PKD1: variants seen among roughly 807,000 people sequenced by gnomAD.
PKD1 encodes polycystin-1.
Under a neutral mutation model 361.7 loss-of-function variants are expected in PKD1, and 81 were observed. The ratio of observed to expected loss-of-function variants is 0.22; its 90% CI spans 0.19 to 0.27. PKD1 has a LOEUF of 0.27. PKD1 is among the 10% of genes least tolerant of loss of function. The pLI is 1.00. For missense variants in PKD1, 6,399 were observed against 6,118.3 expected, an observed-to-expected ratio of 1.05 and a Z score of -1.53; for synonymous variants, 3,615 against 2,818.3, an observed-to-expected ratio of 1.28 and a Z score of -8.95.
At chr16:2,120,713 A>G (rs2092707189) in intron 1 of PKD1, among the ~76,000 whole-genome samples, 1 of 152,108 alleles carries the variant, frequency 6.6e-6, no homozygotes, top group African/African-American at 2.4e-5. Flanking sequence ...AAAGAAAACA[A>G]AGAGAAAGCA....
chr16:2,116,290 G>C (rs867726901), intron 8 of PKD1, 172 bp from the exon 9 acceptor site: 1 of 746,632 alleles, frequency 1.3e-6, no homozygotes, highest in African/African-American at 1.7e-5. Flanking sequence ...ACTGTCCATG[G>C]GGGGCAGGAC....
In PKD1 at chr16:2,109,679, C is replaced by T. The variant is rs1428652493; in HGVS notation, c.5488G>A (p.Ala1830Thr). Residue 1830 changes from alanine (A) to threonine (T), a missense_variant, in exon 15 of 46, where the codon GCC becomes ACC. Transcript: ENST00000262304. ...GSSVPFWGQL[A>T]TGTNVSWCWA... is the part of the protein sequence containing the mutation. ...CACCAGCTCACATTGGTGCCCGTGG[C>T]CAGCTGCCCCCAAAAGGGCACAGAG... is the stretch of plus-strand genomic sequence containing the variant. 8 of 1,587,332 alleles carry T rather than the reference C, an allele frequency of 5.0e-6. No homozygotes were observed. The highest frequency in any genetic ancestry group is 6.0e-6 in the Non-Finnish European group (7 of 1,168,258).
At chr16:2,124,825 G>A (rs1249231870) in intron 1 of PKD1, among the ~76,000 whole-genome samples, 8 of 152,214 alleles carry the variant, frequency 5.3e-5, no homozygotes, top group East Asian at 3.8e-4. Flanking sequence ...GGCCGCCTGC[G>A]GAGCTTATGT....
chr16:2,097,539 T>G (rs533605114), intron 32 of PKD1, 36 bp from the exon 33 acceptor site: 1 of 1,602,918 alleles, frequency 6.2e-7, no homozygotes, highest in Admixed American at 1.7e-5. Flanking sequence ...TACCAGGGGA[T>G]GTGTCACACA....
chr16:2,105,221 G>C (rs1350962427), intron 21 of PKD1, 101 bp downstream of exon 21: 8 of 1,149,670 alleles, frequency 7.0e-6, no homozygotes, highest in Non-Finnish European at 1.0e-5. Flanking sequence ...GCCCAGGCTG[G>C]AGGCTCAGCT....
chr16:2,108,494 C>T lies in PKD1; in HGVS notation c.6673G>A (p.Val2225Met). ...RLVLPRLALP[V>M]GHYCFVFVVS... ...ACAAACACAAAGCAGTAGTGCCCCA[C>T]AGGCAGCGCCAGCCGCGGCAGCACC... The change falls in exon 15 of 46, where the codon GTG becomes ATG. Residue 2225 changes from valine to methionine, a missense_variant. Physicochemically the swap from Val to Met is conservative, Grantham distance 21. Coordinates refer to ENST00000262304, the MANE Select transcript of PKD1 (RefSeq NM_001009944.3). 6.2e-7 allele frequency: 1 copy of T among 1,609,620 alleles called. No homozygotes were observed. The highest frequency in any genetic ancestry group is 8.5e-7 in the Non-Finnish European group (1 of 1,179,438).
At position 2,111,605 on chromosome 16, in the gene PKD1, G is replaced by A; in HGVS notation, c.3562C>T (p.His1188Tyr). Residue 1188 changes from histidine (H) to tyrosine (Y), a missense_variant, in exon 15 of 46, where the codon CAC becomes TAC. By Grantham distance (83) the His-to-Tyr change is moderately conservative. Coordinates refer to ENST00000262304, the MANE Select transcript of PKD1 (RefSeq NM_001009944.3). ...NHTYASRGTY[H>Y]VRLEVNNTVS... ...GTGTTGTTGACCTCCAGGCGCACGT[G>A]GTAGGTGCCCCTCGAGGCATAGGTG... The A allele has an allele frequency of 1.3e-6, 2 of 1,574,606 alleles. No individual in the cohort carries two copies. The highest frequency in any genetic ancestry group is 1.2e-5 in the South Asian group (1 of 86,904).
At chr16:2,096,301 C>G (rs1430762973) in intron 34 of PKD1, among the ~76,000 whole-genome samples, 1 of 152,252 alleles carries the variant, frequency 6.6e-6, no homozygotes, top group Non-Finnish European at 1.5e-5. Flanking sequence ...TGCACTGAAT[C>G]CTGCAGGCAG....
chr16:2,088,934 GAGGAGTCTTTTCCTCTAACC>G lies in PKD1; in HGVS notation c.*773_*792del. ...CTCCACCCTGGGAGCCAGCCCCCAGGAGGAGTCTTTTCCTCTAACCACCCTGGGGTCCTCTGACATGCCTA... is the reference window on the plus strand; with the variant it reads ...CTCCACCCTGGGAGCCAGCCCCCAGGACCCTGGGGTCCTCTGACATGCCTA... On this transcript the variant is annotated 3_prime_UTR_variant, in exon 46 of 46. Transcript: ENST00000262304. The G allele has an allele frequency of 2.6e-6, 1 of 379,556 alleles. No homozygotes were observed. Among genetic ancestry groups the G allele is most frequent in the African/African-American group, 2.1e-5 (1 of 48,186 alleles). The allele number at this position is 379,556 out of a possible 1,614,324, so 23.5% of individuals were successfully genotyped here.
chr16:2,108,904 C>T lies in PKD1; in HGVS notation c.6263G>A (p.Arg2088Gln), dbSNP rs1295883956. ...QFEAATSPSP[R>Q]RVAYHWDFGD... is the part of the protein sequence containing the mutation. Reference sequence around the variant, plus strand: ...AAAGTCCCAGTGGTAGGCCACACGCCGGGGGCTGGGGCTGGTGGCGGCCTC... The same window carrying T: ...AAAGTCCCAGTGGTAGGCCACACGCTGGGGGCTGGGGCTGGTGGCGGCCTC... Residue 2088 changes from arginine (R) to glutamine (Q), a missense_variant, in exon 15 of 46, where the codon CGG becomes CAG. Physicochemically the swap from Arg to Gln is conservative, Grantham distance 43. Coordinates refer to ENST00000262304, the MANE Select transcript of PKD1 (RefSeq NM_001009944.3). The T allele has an allele frequency of 1.9e-6, 3 of 1,584,434 alleles. No individual in the cohort carries two copies. The highest frequency in any genetic ancestry group is 2.6e-6 in the Non-Finnish European group (3 of 1,166,890).
chr16:2,124,839 C>A (rs527241553), intron 1 of PKD1, among the ~76,000 whole-genome samples: 1 of 152,194 alleles, frequency 6.6e-6, no homozygotes, highest in East Asian at 1.9e-4. Context: ...CTTATGTAAC[C>A]GCTCCTCCCT....
rs550001058 is a variant in PKD1 at position 2,088,713 on chromosome 16, G to A, written c.*1014C>T. On this transcript the variant is annotated 3_prime_UTR_variant, in exon 46 of 46. Coordinates refer to ENST00000262304, the MANE Select transcript of PKD1 (RefSeq NM_001009944.3). ...CACAGACATAGAGGCACAGATTGCA[G>A]TCAGACAGCTCTTTTATTGACTTTG... 1.4e-6 allele frequency: 2 copies of A among 1,436,872 alleles called. No individual in the cohort carries two copies. The highest frequency in any genetic ancestry group is 1.9e-6 in the Non-Finnish European group (2 of 1,066,358). The allele number at this position is 1,436,872 out of a possible 1,614,324, so 89.0% of individuals were successfully genotyped here.
At chr16:2,105,040 G>GCT (rs1324256965) in intron 21 of PKD1, among the ~76,000 whole-genome samples, 3 of 125,734 alleles carry the variant, frequency 2.4e-5, no homozygotes, top group African/African-American at 9.1e-5. Context: ...AGGGGGAGGG[G>GCT]AGGGGAGGGG....
At chr16:2,115,936 G>C (rs1812866076) in intron 9 of PKD1, 56 bp downstream of exon 9, 4 of 1,534,396 alleles carry the variant, frequency 2.6e-6, no homozygotes, top group African/African-American at 1.4e-5. Flanking sequence ...AGCTCAGAGA[G>C]GCCACCCCGA....
At position 2,088,882 on chromosome 16, in the gene PKD1, C is replaced by T. The variant is rs2091276044; in HGVS notation, c.*845G>A. ...CAGCACACTCGCGCGTGCGCGCGCG[C>T]ACACACACACACACACAGTCACCTT... On this transcript the variant is annotated 3_prime_UTR_variant, in exon 46 of 46. Coordinates refer to ENST00000262304, the MANE Select transcript of PKD1 (RefSeq NM_001009944.3). The T allele has an allele frequency of 9.3e-6, 2 of 215,738 alleles. No homozygotes were observed. Among genetic ancestry groups the T allele is most frequent in the Non-Finnish European group, 1.7e-5 (2 of 117,880 alleles). 13.4% of individuals were successfully genotyped at this position (215,738 alleles called of 1,614,324 possible).
In PKD1 at chr16:2,103,656, C is replaced by A. The variant is rs1394074117; in HGVS notation, c.8401G>T (p.Gly2801Trp). Residue 2801 changes from glycine (G) to tryptophan (W), a missense_variant, in exon 23 of 46, where the codon GGG becomes TGG. By Grantham distance (184) the Gly-to-Trp change is radical. Transcript: ENST00000262304. ...RSLLCYGGAP[G>W]PGCHFSIPEA... ...GGGATGGAGAAGTGGCAGCCAGGCC[C>A]TGGGGCGCCGCCATAGCACAGCAGG... 3.1e-6 allele frequency: 5 copies of A among 1,610,314 alleles called. No individual in the cohort carries two copies.
intron 1 of PKD1, among the ~76,000 whole-genome samples, chr16:2,127,807 T>C (rs2151844162): frequency 6.6e-6 from 1 of 150,782 alleles, no homozygotes; most frequent in East Asian, 2.0e-4. Flanking sequence ...AACCCAGGTC[T>C]GACTCCAGGG....
intron 1 of PKD1, among the ~76,000 whole-genome samples, chr16:2,130,478 G>T (rs556065821): frequency 6.6e-6 from 1 of 152,248 alleles, no homozygotes; most frequent in Non-Finnish European, 1.5e-5. Context: ...AATCATCTGC[G>T]TGTTGGTTGA....
rs754956606 is a variant in PKD1, at chr16:2,099,688, C to T, written c.10006G>A (p.Val3336Ile). The T allele has an allele frequency of 5.6e-5, 90 of 1,594,324 alleles. No individual in the cohort carries two copies. Among genetic ancestry groups the T allele is most frequent in the East Asian group, 1.3e-4 (6 of 44,612 alleles). Residue 3336 changes from valine (V) to isoleucine (I), a missense_variant, in exon 30 of 46, where the codon GTC becomes ATC. Coordinates refer to ENST00000262304, the MANE Select transcript of PKD1 (RefSeq NM_001009944.3). ...AAGAGAAAAAGGATGGCCAGGTAGA[C>T]GGGATAGACAACCACGCTGGACACC... ...GLVSSVVVYP[V>I]YLAILFLFRM...
Sources: gnomAD v4.1 joint callset for allele counts (sites outside exome capture counted in the v4.1 genomes callset) on GRCh38, gnomAD v4.1.1 for gene constraint, MANE v1.5 for transcripts, NCBI Gene and HGNC (gene_info 2026-07-23, HGNC 2026-07-21) for gene names.